SOX5: variants seen among roughly 807,000 people sequenced by gnomAD.
The protein encoded by SOX5 is SRY-box transcription factor 5, also known as transcription factor SOX-5.
In SOX5, 9 loss-of-function variants were observed where a neutral mutation model predicts 92.0. The ratio of observed to expected loss-of-function variants is 0.10; its 90% confidence interval spans 0.06 to 0.17. The LOEUF (loss-of-function observed/expected upper bound fraction) is 0.17. Among genes scored for constraint, SOX5 ranks in the 10% least tolerant of loss-of-function variants. The probability of loss-of-function intolerance (pLI) is 1.00; values close to 1 mark genes in which losing one functional copy is unlikely to be tolerated. For missense variants in SOX5, 642 were observed against 944.5 expected, an observed-to-expected ratio of 0.68 and a Z score of 4.20; for synonymous variants, 344 against 336.3, an observed-to-expected ratio of 1.02 and a Z score of -0.25.
Position 23,675,042 on chromosome 12 carries a change from GAAGA to G in SOX5, c.811-9482_811-9479del, listed in dbSNP as rs1371884276. Among the ~76,000 whole-genome samples the G allele has an allele frequency of 1.4e-4, 21 of 152,150 alleles. No individual in the cohort carries two copies. The South Asian group carries it at 3.9e-3, about 29-fold the overall frequency. On this transcript the variant is annotated intron_variant, in intron 6 of 14. Coordinates refer to ENST00000451604, the MANE Select transcript of SOX5 (RefSeq NM_006940.6). ...AGAAAAATTTTTTTGATATTTGACT[GAAGA>G]AAGATTTATCATAAAATGTAAATGT...
chr12:24,385,300 A>G (rs1793122798), intron 1 of SOX5, among the ~76,000 whole-genome samples: 1 of 152,212 alleles, frequency 6.6e-6, no homozygotes, highest in African/African-American at 2.4e-5. Context: ...ATCCATTATG[A>G]CAACATAGGC....
At chr12:24,142,935 C>T (rs1185156663) in intron 4 of SOX5, among the ~76,000 whole-genome samples, 1 of 151,354 alleles carries the variant, frequency 6.6e-6, no homozygotes, top group African/African-American at 2.4e-5. Flanking sequence ...CTGGTCAGCA[C>T]GTGTGCAAGG....
chr12:24,063,070 T>G (rs1270319140), intron 4 of SOX5, among the ~76,000 whole-genome samples: 1 of 152,210 alleles, frequency 6.6e-6, no homozygotes, highest in Non-Finnish European at 1.5e-5. Flanking sequence ...TCATTCATAA[T>G]TCTTAAGTAC....
chr12:23,549,282 G>T (rs1213147601), intron 11 of SOX5, among the ~76,000 whole-genome samples: 2 of 151,814 alleles, frequency 1.3e-5, no homozygotes, highest in African/African-American at 2.4e-5. Flanking sequence ...AACTGATTTT[G>T]GGAAAACAAA....
chr12:24,206,732 T>C (rs1197848486), intron 4 of SOX5, among the ~76,000 whole-genome samples: 1 of 152,190 alleles, frequency 6.6e-6, no homozygotes, highest in Non-Finnish European at 1.5e-5. Flanking sequence ...TCTCTCCCCA[T>C]TCAGAAAATG....
intron 9 of SOX5, among the ~76,000 whole-genome samples, chr12:23,596,870 A>G (rs1315285033): frequency 6.6e-6 from 1 of 152,214 alleles, no homozygotes; most frequent in Non-Finnish European, 1.5e-5. Context: ...AAAAATGAAT[A>G]TATTTAGAAT....
At chr12:24,209,418 G>C (rs1035471415) in intron 4 of SOX5, among the ~76,000 whole-genome samples, 1 of 152,054 alleles carries the variant, frequency 6.6e-6, no homozygotes, top group Non-Finnish European at 1.5e-5. Flanking sequence ...GAAAAGGAAA[G>C]AATTTAGAAT....
chr12:24,516,043 C>CT (rs375642823), intron 1 of SOX5, among the ~76,000 whole-genome samples: 1,728 of 138,770 alleles, frequency 0.012, 40 homozygotes, highest in African/African-American at 0.041. Context: ...TTTTCTTTTC[C>CT]TTTTTTTTTT....
intron 1 of SOX5, among the ~76,000 whole-genome samples, chr12:24,474,328 A>C (rs1267918240): frequency 6.6e-6 from 1 of 152,198 alleles, no homozygotes; most frequent in Non-Finnish European, 1.5e-5. Context: ...CCTAACAAAA[A>C]TAACTTGGCT....
intron 3 of SOX5, among the ~76,000 whole-genome samples, chr12:23,802,632 C>T (rs1202531228): frequency 6.6e-6 from 1 of 152,102 alleles, no homozygotes; most frequent in Admixed American, 6.6e-5. Context: ...CTAAAAAAAT[C>T]TACCTTAACC....
intron 4 of SOX5, among the ~76,000 whole-genome samples, chr12:24,111,358 G>C (rs1947328488): frequency 6.6e-6 from 1 of 152,178 alleles, no homozygotes; most frequent in Non-Finnish European, 1.5e-5. Context: ...AATGCATCCT[G>C]TGAGTATCAG....
intron 1 of SOX5, among the ~76,000 whole-genome samples, chr12:24,437,296 C>T (rs1939632387): frequency 6.6e-6 from 1 of 152,142 alleles, no homozygotes; most frequent in East Asian, 1.9e-4. Flanking sequence ...GGACCCCTCC[C>T]TCACACCTTA....
intron 2 of SOX5, among the ~76,000 whole-genome samples, chr12:24,351,290 C>T (rs188468828): frequency 1.3e-5 from 2 of 152,126 alleles, no homozygotes; most frequent in East Asian, 3.8e-4. Flanking sequence ...ATCATCTGTA[C>T]CCCCATCTCT....
chr12:23,990,345 T>A (rs1950454774), intron 4 of SOX5, among the ~76,000 whole-genome samples: 1 of 152,172 alleles, frequency 6.6e-6, no homozygotes. Context: ...TCTAAACTCC[T>A]TAGTGTGGCA....
intron 4 of SOX5, among the ~76,000 whole-genome samples, chr12:23,743,252 G>C (rs753858452): frequency 7.9e-5 from 12 of 152,108 alleles, no homozygotes; most frequent in Non-Finnish European, 1.2e-4. Context: ...AGCAAATTTA[G>C]CTACATATTA....
At chr12:24,296,033 T>C (rs1419313615) in intron 2 of SOX5, among the ~76,000 whole-genome samples, 1 of 152,208 alleles carries the variant, frequency 6.6e-6, no homozygotes, top group African/African-American at 2.4e-5. Context: ...GTCTCATCCT[T>C]AAAATCTGAA....
chr12:23,848,411 ATAAAT>A (rs1293548017), intron 2 of SOX5, among the ~76,000 whole-genome samples: 1 of 152,208 alleles, frequency 6.6e-6, no homozygotes, highest in African/African-American at 2.4e-5. Flanking sequence ...CAGTATAAAA[ATAAAT>A]TAATTAAACA....
Position 24,116,771 on chromosome 12 carries a change from G to T in SOX5, c.-2+96572C>A, listed in dbSNP as rs550227513. 6.6e-5 allele frequency among the ~76,000 whole-genome samples: 10 copies of T among 152,184 alleles called. No individual in the cohort carries two copies. In the South Asian group the frequency reaches 1.9e-3, roughly 28 times the overall value. ...CCATAGGGCTTATGGATGTAGTAAGGTACTGCTGCTCTGTATTGTTTAATT... is the reference window on the plus strand; with the variant it reads ...CCATAGGGCTTATGGATGTAGTAAGTTACTGCTGCTCTGTATTGTTTAATT... On this transcript the variant is annotated intron_variant, in intron 4 of 4. Coordinates refer to the SOX5 transcript ENST00000446891.
At chr12:24,109,502 A>G (rs115945425) in intron 4 of SOX5, among the ~76,000 whole-genome samples, 1 of 152,180 alleles carries the variant, frequency 6.6e-6, no homozygotes, top group African/African-American at 2.4e-5. Context: ...CTTTATTAAA[A>G]ATAGTAAAGA....
Sources: gnomAD v4.1 joint callset for allele counts (sites outside exome capture counted in the v4.1 genomes callset) on GRCh38, gnomAD v4.1.1 for gene constraint, MANE v1.5 for transcripts, NCBI Gene and HGNC (gene_info 2026-07-23, HGNC 2026-07-21) for gene names.